The following MTMR8 variants were observed in gnomAD, a reference collection of about 807,000 sequenced individuals.
MTMR8 encodes phosphatidylinositol-3,5-bisphosphate 3-phosphatase MTMR8.
MTMR8 carries 65 observed loss-of-function variants against 39.3 expected under a neutral mutation model. That is an observed-to-expected ratio of 1.65 (90% CI 1.35 to 2.03). MTMR8 has a LOEUF of 2.03. MTMR8 is among the 30% of genes most tolerant of loss of function. MTMR8 has a pLI of 0.00. For missense variants in MTMR8, 777 were observed against 538.9 expected, an observed-to-expected ratio of 1.44 and a Z score of -4.37; for synonymous variants, 245 against 185.2, an observed-to-expected ratio of 1.32 and a Z score of -2.62.
intron 12 of MTMR8, among the ~76,000 whole-genome samples, chrX:64,290,892 C>A (rs1426386351): frequency 8.9e-6 from 1 of 111,734 alleles, no homozygotes; most frequent in African/African-American, 3.3e-5. Flanking sequence ...CAGTTTTTGA[C>A]TATATGAATA....
intron 12 of MTMR8, among the ~76,000 whole-genome samples, chrX:64,326,531 A>G (rs1922798288): frequency 9.0e-6 from 1 of 111,662 alleles, no homozygotes; most frequent in Non-Finnish European, 1.9e-5. Context: ...ACATTGATGG[A>G]GGAAATTGAA....
intron 1 of MTMR8, among the ~76,000 whole-genome samples, chrX:64,375,270 G>A (rs1446891040): frequency 9.1e-6 from 1 of 109,296 alleles, no homozygotes; most frequent in Non-Finnish European, 1.9e-5. Context: ...TGGGAGGATT[G>A]CCTGAGCTTG....
rs1438530925 is a variant in MTMR8, at chrX:64,268,755, C to A, written c.1897G>T (p.Ala633Ser). Reference protein sequence around the residue: ...NISGDVGISEAMGISGDMCTF... With the variant: ...NISGDVGISESMGISGDMCTF... ...CACATGTCTCCAGAGATGCCCATGG[C>A]CTCAGAGATGCCCACATCCCCAGAG... The change falls in exon 14 of 14, where the codon GCC becomes TCC. Residue 633 changes from alanine to serine, a missense_variant. Coordinates refer to ENST00000374852, the MANE Select transcript of MTMR8 (RefSeq NM_017677.4). 1.7e-6 allele frequency: 2 copies of A among 1,209,921 alleles called. No individual in the cohort carries two copies. Among genetic ancestry groups the A allele is most frequent in the South Asian group, 3.5e-5 (2 of 56,769 alleles).
At chrX:64,281,144 A>G (rs74777081) in intron 12 of MTMR8, among the ~76,000 whole-genome samples, 1 of 111,708 alleles carries the variant, frequency 9.0e-6, no homozygotes, top group African/African-American at 3.3e-5. Flanking sequence ...TAGAGATTCA[A>G]TGCTCTTCCC....
intron 1 of MTMR8, among the ~76,000 whole-genome samples, chrX:64,366,751 A>C (rs1013114558): frequency 8.9e-5 from 10 of 111,807 alleles, no homozygotes; most frequent in African/African-American, 3.3e-4. Context: ...AGAAATAATT[A>C]AGATCAGAGC....
chrX:64,334,585 A>C (rs986506850), intron 10 of MTMR8, among the ~76,000 whole-genome samples: 3 of 106,065 alleles, frequency 2.8e-5, no homozygotes, highest in Non-Finnish European at 3.9e-5. Context: ...AAAAAAAAAA[A>C]AAAAAAAAAA....
At chrX:64,365,116 G>C (rs145935927) in intron 1 of MTMR8, among the ~76,000 whole-genome samples, 505 of 111,705 alleles carry the variant, frequency 4.5e-3, no homozygotes, top group Non-Finnish European at 8.0e-3. Flanking sequence ...TATGTGAAAA[G>C]ACCAAATCTA....
At chrX:64,311,974 C>G (rs1293284309) in intron 12 of MTMR8, among the ~76,000 whole-genome samples, 1 of 110,871 alleles carries the variant, frequency 9.0e-6, no homozygotes, top group South Asian at 3.8e-4. Context: ...TTAGGATTGT[C>G]TTGGCAATGC....
intron 1 of MTMR8, among the ~76,000 whole-genome samples, chrX:64,378,468 G>C (rs943705842): frequency 8.9e-6 from 1 of 111,831 alleles, no homozygotes; most frequent in East Asian, 2.8e-4. Flanking sequence ...CGATCCTCCT[G>C]CCTTGGCCTC....
At chrX:64,337,662 T>C (rs1923114302) in intron 8 of MTMR8, among the ~76,000 whole-genome samples, 2 of 111,639 alleles carry the variant, frequency 1.8e-5, no homozygotes, top group Admixed American at 1.9e-4. Context: ...CTAAATTCAC[T>C]AAACTTCTGA....
intron 12 of MTMR8, among the ~76,000 whole-genome samples, chrX:64,318,901 G>A (rs1337888160): frequency 1.8e-5 from 2 of 110,254 alleles, no homozygotes; most frequent in South Asian, 3.9e-4. Flanking sequence ...GGCTGGTCTC[G>A]AACTCCCAAC....
chrX:64,293,262 C>A (rs988792874), intron 12 of MTMR8, among the ~76,000 whole-genome samples: 1 of 111,668 alleles, frequency 9.0e-6, no homozygotes, highest in Non-Finnish European at 1.9e-5. Context: ...AGTAGAAATA[C>A]ATGAAAGACA....
At chrX:64,387,898 T>C (rs1023328135) in intron 1 of MTMR8, among the ~76,000 whole-genome samples, 3 of 110,001 alleles carry the variant, frequency 2.7e-5, no homozygotes, top group Non-Finnish European at 5.7e-5. Context: ...GAAAAGAGGC[T>C]GACCACCACT....
intron 10 of MTMR8, among the ~76,000 whole-genome samples, chrX:64,333,469 G>A (rs1370537395): frequency 8.9e-6 from 1 of 111,733 alleles, no homozygotes; most frequent in Non-Finnish European, 1.9e-5. Flanking sequence ...TATAGCTCAA[G>A]CTAATCTTTC....
At position 64,286,183 on chromosome X, in the gene MTMR8, G is replaced by A. The variant is rs186037209; in HGVS notation, c.1482-15110C>T. On this transcript the variant is annotated intron_variant, in intron 12 of 13. Coordinates refer to ENST00000374852, the MANE Select transcript of MTMR8 (RefSeq NM_017677.4). Reference sequence around the variant, plus strand: ...CACAGAAATATAAACTACCATCAGAGAATACTATAAACAACTCTACGCAAA... The same window carrying A: ...CACAGAAATATAAACTACCATCAGAAAATACTATAAACAACTCTACGCAAA... Among the ~76,000 whole-genome samples the A allele has an allele frequency of 1.5e-3, 163 of 111,870 alleles. 1 individual carries two copies. Among genetic ancestry groups the A allele is most frequent in the African/African-American group, 5.1e-3 (158 of 30,828 alleles).
intron 10 of MTMR8, among the ~76,000 whole-genome samples, chrX:64,332,479 C>A (rs889253593): frequency 8.9e-6 from 1 of 112,029 alleles, no homozygotes; most frequent in African/African-American, 3.2e-5. Flanking sequence ...ATTCCACTTT[C>A]CACATACCAT....
At chrX:64,390,134 G>A (rs1383491858) in intron 1 of MTMR8, among the ~76,000 whole-genome samples, 1 of 111,956 alleles carries the variant, frequency 8.9e-6, no homozygotes, top group Non-Finnish European at 1.9e-5. Context: ...TAGGTTATTA[G>A]AATGAAAACC....
In MTMR8 at chrX:64,390,737, G is replaced by T. The variant is rs79831279; in HGVS notation, c.24+4603C>A. On this transcript the variant is annotated intron_variant, in intron 1 of 13. Coordinates refer to ENST00000374852, the MANE Select transcript of MTMR8 (RefSeq NM_017677.4). ...CACTATCAGAGCTCACTGCAGCCTC[G>T]ACCTCCCAGATTCAAGCCATCCCCA... 9.1e-5 allele frequency among the ~76,000 whole-genome samples: 10 copies of T among 110,468 alleles called. No individual in the cohort carries two copies. In the East Asian group the frequency reaches 2.9e-3, roughly 32 times the overall value.
At chrX:64,292,914 G>C (rs767977634) in intron 12 of MTMR8, among the ~76,000 whole-genome samples, 3 of 111,616 alleles carry the variant, frequency 2.7e-5, no homozygotes, top group Non-Finnish European at 5.7e-5. Flanking sequence ...GAGGCTTTGT[G>C]CCTCAGTCCA....
Sources: gnomAD v4.1 joint callset for allele counts (sites outside exome capture counted in the v4.1 genomes callset) on GRCh38, gnomAD v4.1.1 for gene constraint, MANE v1.5 for transcripts, NCBI Gene and HGNC (gene_info 2026-07-23, HGNC 2026-07-21) for gene names.